GBF1: variants seen among roughly 807,000 people sequenced by gnomAD.
GBF1 encodes the protein golgi brefeldin A resistant guanine nucleotide exchange factor 1, also known as Golgi-specific brefeldin A-resistance guanine nucleotide exchange factor 1.
In GBF1, 114 loss-of-function variants were observed where a neutral mutation model predicts 210.5. The observed-to-expected ratio is 0.54, with a 90% CI of 0.47 to 0.63. GBF1 has a LOEUF of 0.63. GBF1 is among the 30% of genes least tolerant of loss of function. The pLI is 0.00. For missense variants in GBF1, 1,851 were observed against 2,357.7 expected, an observed-to-expected ratio of 0.79 and a Z score of 4.45; for synonymous variants, 850 against 889.2, an observed-to-expected ratio of 0.96 and a Z score of 0.78.
intron 1 of GBF1, among the ~76,000 whole-genome samples, chr10:102,252,870 A>G (rs1399413616): frequency 6.6e-6 from 1 of 151,916 alleles, no homozygotes; most frequent in Admixed American, 6.6e-5. Flanking sequence ...GAACTTTTTA[A>G]CTTTTTAGGG....
At chr10:102,315,044 G>A (rs2078813705) in intron 3 of GBF1, among the ~76,000 whole-genome samples, 1 of 152,302 alleles carries the variant, frequency 6.6e-6, no homozygotes, top group South Asian at 2.1e-4. Flanking sequence ...CACATATGGG[G>A]GGACCTTCTG....
intron 2 of GBF1, 112 bp from the exon 3 acceptor site, chr10:102,259,938 A>C: frequency 3.1e-6 from 2 of 650,392 alleles, no homozygotes; most frequent in South Asian, 3.7e-5. Context: ...TCAGAAGGAA[A>C]ACTTAAATGA....
Position 102,359,303 on chromosome 10 carries a change from T to C in GBF1, c.1048T>C (p.Ser350Pro), listed in dbSNP as rs1565155722. ...GTHVEKSQSASVESIPEVLEE... is the reference protein window; with the variant it reads ...GTHVEKSQSAPVESIPEVLEE... Reference sequence around the variant, plus strand: ...CCATGTGGAAAAGTCCCAGTCAGCATCTGTGGAGTCCATCCCTGAAGTGTT... The same window carrying C: ...CCATGTGGAAAAGTCCCAGTCAGCACCTGTGGAGTCCATCCCTGAAGTGTT... Residue 350 changes from serine (S) to proline (P), a missense_variant, in exon 11 of 40, where the codon TCT (serine) becomes CCT (proline). Coordinates refer to ENST00000369983, the MANE Select transcript of GBF1 (RefSeq NM_001377137.1). 1 of 1,612,522 alleles carries C rather than the reference T, an allele frequency of 6.2e-7. No individual in the cohort carries two copies. Among genetic ancestry groups the C allele is most frequent in the South Asian group, 1.1e-5 (1 of 91,058 alleles).
chr10:102,291,894 T>C (rs2076466869), intron 3 of GBF1, among the ~76,000 whole-genome samples: 2 of 149,704 alleles, frequency 1.3e-5, no homozygotes, highest in Admixed American at 6.6e-5. Flanking sequence ...ACTTTTCTTT[T>C]TTTTTTTTTT....
chr10:102,284,664 C>T (rs192162227), intron 3 of GBF1, among the ~76,000 whole-genome samples: 188 of 152,144 alleles, frequency 1.2e-3, no homozygotes, highest in Non-Finnish European at 2.2e-3. Context: ...TCCATTCATT[C>T]GTTGATGGAC....
intron 3 of GBF1, among the ~76,000 whole-genome samples, chr10:102,283,667 CA>C (rs1267927222): frequency 6.6e-6 from 1 of 152,120 alleles, no homozygotes; most frequent in Non-Finnish European, 1.5e-5. Flanking sequence ...ATATGAAAGA[CA>C]AAGTGACAAT....
intron 3 of GBF1, among the ~76,000 whole-genome samples, chr10:102,324,128 C>T (rs762017832): frequency 3.9e-5 from 6 of 152,162 alleles, no homozygotes; most frequent in Non-Finnish European, 8.8e-5. Flanking sequence ...GGCTTAAATA[C>T]GCACCAAGCA....
At chr10:102,231,228 GGGGT>G in the GBF1 span, 1 of 948,400 alleles carries the variant, frequency 1.1e-6, no homozygotes, top group Non-Finnish European at 1.5e-6. Context: ...GGCTAGAGAC[GGGGT>G]GGGAGGGAAG....
Position 102,382,154 on chromosome 10 carries a change from C to T in GBF1, c.5401C>T (p.Pro1801Ser). 1 of 1,613,022 alleles carries T rather than the reference C, an allele frequency of 6.2e-7. No homozygotes were observed. Among genetic ancestry groups the T allele is most frequent in the Non-Finnish European group, 8.5e-7 (1 of 1,179,222 alleles). The change falls in exon 40 of 40, where the codon CCT becomes TCT. Residue 1801 changes from proline (P) to serine (S), a missense_variant. Pro to Ser is a moderately conservative substitution (Grantham distance 74). Transcript: ENST00000369983. ...CAGGCTGAGCCCCACCCCCGACGGG[C>T]CTCCACCCTTGGCTCAGCCCCCACT... ...PSRLSPTPDG[P>S]PPLAQPPLIL...
intron 29 of GBF1, among the ~76,000 whole-genome samples, chr10:102,371,410 A>C (rs1473591993): frequency 6.6e-6 from 1 of 152,252 alleles, no homozygotes; most frequent in African/African-American, 2.4e-5. Flanking sequence ...CAAAACTACA[A>C]AATAAATTGA....
chr10:102,368,968 TAGGCC>T (rs938972735), intron 23 of GBF1, 136 bp downstream of exon 23: 2 of 663,582 alleles, frequency 3.0e-6, no homozygotes, highest in African/African-American at 3.6e-5. Context: ...TACCAGAGCT[TAGGCC>T]ATTTCTGTCT....
rs1240842932 is a variant in GBF1, at chr10:102,376,403, G to A, written c.4018G>A (p.Ala1340Thr). ...CAAGATACACCGATCAGCCACAGAT[G>A]CCGATGTGGTCAACAGTGGTTGGTT... is the stretch of plus-strand genomic sequence containing the variant. ...PGKIHRSATD[A>T]DVVNSGWLVV... Residue 1340 changes from alanine to threonine, a missense_variant, in exon 31 of 40, where the codon GCC becomes ACC. Ala to Thr is a moderately conservative substitution (Grantham distance 58). This residue lies in a region of GBF1 where 967 missense variants were observed against 1,247.7 expected (regional missense o/e 0.78). Coordinates refer to ENST00000369983, the MANE Select transcript of GBF1 (RefSeq NM_001377137.1). 1 of 1,614,214 alleles carries A rather than the reference G, an allele frequency of 6.2e-7. No homozygotes were observed. Among genetic ancestry groups the A allele is most frequent in the South Asian group, 1.1e-5 (1 of 91,088 alleles).
At chr10:102,338,184 GAA>G (rs1274455732) in intron 3 of GBF1, among the ~76,000 whole-genome samples, 1 of 150,454 alleles carries the variant, frequency 6.6e-6, no homozygotes. Flanking sequence ...CTTACCAAAT[GAA>G]AGTACTGGAA....
chr10:102,279,214 T>C (rs2075271788), intron 3 of GBF1, among the ~76,000 whole-genome samples: 2 of 152,160 alleles, frequency 1.3e-5, no homozygotes, highest in Non-Finnish European at 2.9e-5. Context: ...AGTTTGAAAA[T>C]TGGAAAAAGG....
intron 3 of GBF1, among the ~76,000 whole-genome samples, chr10:102,287,008 G>A (rs952572074): frequency 6.6e-6 from 1 of 152,152 alleles, no homozygotes; most frequent in African/African-American, 2.4e-5. Context: ...CCTTAGATTA[G>A]TGTTGGAAGA....
chr10:102,285,036 T>C (rs2075823640), intron 3 of GBF1, among the ~76,000 whole-genome samples: 1 of 152,206 alleles, frequency 6.6e-6, no homozygotes, highest in Non-Finnish European at 1.5e-5. Context: ...GCTTCTCTCC[T>C]GAAATAACTG....
intron 3 of GBF1, among the ~76,000 whole-genome samples, chr10:102,342,389 G>GCA (rs144630206): frequency 0.051 from 7,357 of 144,014 alleles, 341 homozygotes; most frequent in African/African-American, 0.14. Context: ...TCACACACAC[G>GCA]CACACACACA....
intron 3 of GBF1, among the ~76,000 whole-genome samples, chr10:102,277,535 C>T (rs1280038044): frequency 2.0e-5 from 3 of 151,934 alleles, no homozygotes; most frequent in Non-Finnish European, 2.9e-5. Flanking sequence ...CCCGCCACCA[C>T]GCCCAGCTAA....
At chr10:102,340,467 G>T (rs969482508) in intron 3 of GBF1, among the ~76,000 whole-genome samples, 2 of 150,838 alleles carry the variant, frequency 1.3e-5, no homozygotes, top group Non-Finnish European at 3.0e-5. Flanking sequence ...TAGAGACGGG[G>T]TTTCACCGTG....
Sources: allele counts gnomAD v4.1 joint callset (sites outside exome capture counted in the v4.1 genomes callset), GRCh38; gene constraint gnomAD v4.1.1; regional missense constraint gnomAD v4.1.1; transcripts MANE v1.5; gene names NCBI Gene and HGNC (gene_info 2026-07-23, HGNC 2026-07-21).